Variants in GRAMD1C observed in about 807,000 individuals in gnomAD.
GRAMD1C encodes the protein protein Aster-C.
GRAMD1C carries 89 observed loss-of-function variants against 97.8 expected under a neutral mutation model. That is an observed-to-expected ratio of 0.91 (90% CI 0.77 to 1.09). The LOEUF (loss-of-function observed/expected upper bound fraction) is 1.09. GRAMD1C is among the 50% of genes least tolerant of loss of function. The pLI, the probability that GRAMD1C is intolerant of heterozygous loss-of-function variation, is 0.00. For synonymous variants in GRAMD1C, 256 were observed against 267.0 expected, an observed-to-expected ratio of 0.96 and a Z score of 0.40; for missense variants, 740 against 766.4, an observed-to-expected ratio of 0.97 and a Z score of 0.41.
intron 2 of GRAMD1C, among the ~76,000 whole-genome samples, chr3:113,860,420 T>C (rs1381308792): frequency 6.6e-6 from 1 of 152,132 alleles, no homozygotes; most frequent in Admixed American, 6.6e-5. Context: ...TATTCATGGA[T>C]TGGGAAGCTT....
At chr3:113,934,343 C>T (rs982469177) in intron 12 of GRAMD1C, 89 bp from the exon 13 acceptor site, 1 of 673,640 alleles carries the variant, frequency 1.5e-6, no homozygotes, top group Non-Finnish European at 2.6e-6. Flanking sequence ...TTTGACTTTC[C>T]ACTGAATACA....
Position 113,876,186 on chromosome 3 carries a change from A to G in GRAMD1C, c.385A>G (p.Ile129Val). 1.3e-6 allele frequency: 2 copies of G among 1,583,018 alleles called. No individual in the cohort carries two copies. Among genetic ancestry groups the G allele is most frequent in the Non-Finnish European group, 1.7e-6 (2 of 1,153,160 alleles). ...TTAGATTTCTATTGCTTTAAAGAAT[A>G]TAACCTTCATGACCAAGGAAAAAAC... ...ETTISIALKN[I>V]TFMTKEKTAR... The change falls in exon 5 of 18, where the codon ATA (isoleucine) becomes GTA (valine). Residue 129 changes from isoleucine (I) to valine (V), a missense_variant. Ile to Val is a conservative substitution (Grantham distance 29). Transcript: ENST00000358160.
chr3:113,882,649 C>A, intron 5 of GRAMD1C, 103 bp from the exon 6 acceptor site: 1 of 672,100 alleles, frequency 1.5e-6, no homozygotes, highest in Non-Finnish European at 2.8e-6. Flanking sequence ...TGTTGACCTA[C>A]TAGTTTGTTT....
chr3:113,883,852 GTAAAACTTGGGA>G (rs1935353304), intron 6 of GRAMD1C, among the ~76,000 whole-genome samples: 2 of 152,126 alleles, frequency 1.3e-5, no homozygotes, highest in African/African-American at 4.8e-5. Context: ...CAATTCAACA[GTAAAACTTGGGA>G]CTGCGTGTGG....
At position 113,869,088 on chromosome 3, in the gene GRAMD1C, C is replaced by A. The variant is rs535515549; in HGVS notation, c.175-419C>A. ...CAGTTTTCATGATCTGTTCCCACCC[C>A]CAAAGAACTACCACAAAGACTTAAC... On this transcript the variant is annotated intron_variant, in intron 2 of 17. Coordinates refer to ENST00000358160, the MANE Select transcript of GRAMD1C (RefSeq NM_017577.5). Among the ~76,000 whole-genome samples the A allele has an allele frequency of 5.9e-5, 9 of 152,186 alleles. No individual in the cohort carries two copies. The East Asian group carries it at 1.7e-3, about 29-fold the overall frequency.
At position 113,867,631 on chromosome 3, in the gene GRAMD1C, G is replaced by C. The variant is rs140698453; in HGVS notation, c.175-1876G>C. 9.3e-3 allele frequency among the ~76,000 whole-genome samples: 1,414 copies of C among 152,140 alleles called. 14 individuals are homozygous for C. The highest frequency in any genetic ancestry group is 0.058 in the Middle Eastern group (17 of 294). ...TTAGTATTTCTTGTAAAGCAGGTCT[G>C]TTCTCTCCATTGTTAATGATGAAGA... On this transcript the variant is annotated intron_variant, in intron 2 of 17. Coordinates refer to ENST00000358160, the MANE Select transcript of GRAMD1C (RefSeq NM_017577.5).
chr3:113,907,515 T>A (rs1936412909), intron 8 of GRAMD1C, among the ~76,000 whole-genome samples: 1 of 152,212 alleles, frequency 6.6e-6, no homozygotes, highest in Non-Finnish European at 1.5e-5. Flanking sequence ...TTAGCCCTTT[T>A]TTTTTCTGTT....
Position 113,930,778 on chromosome 3 carries a change from T to A in GRAMD1C, c.1155T>A (p.Thr385=), listed in dbSNP as rs1377350141. ...ATCAGCTGAGAACGATGACCTACAC[T>A]ATAGTCCTTAATAGTCCACTTACTG... ...GGDQLRTMTY[T]IVLNSPLTGK... is the part of the protein sequence containing the mutation. Residue 385 remains threonine, a synonymous_variant, in exon 11 of 18, where the codon ACT becomes ACA. Coordinates refer to ENST00000358160, the MANE Select transcript of GRAMD1C (RefSeq NM_017577.5). The A allele has an allele frequency of 1.2e-6, 2 of 1,612,454 alleles. No homozygotes were observed. The highest frequency in any genetic ancestry group is 1.3e-5 in the African/African-American group (1 of 74,898).
intron 3 of GRAMD1C, among the ~76,000 whole-genome samples, chr3:113,874,331 T>A (rs1934942878): frequency 6.6e-6 from 1 of 152,092 alleles, no homozygotes; most frequent in South Asian, 2.1e-4. Context: ...TTGATTTTGC[T>A]GGACTTTAGT....
Position 113,939,893 on chromosome 3 carries a change from T to G in GRAMD1C, c.1699T>G (p.Leu567Val). 1.9e-6 allele frequency: 3 copies of G among 1,567,510 alleles called. No individual in the cohort carries two copies. Among genetic ancestry groups the G allele is most frequent in the Non-Finnish European group, 2.6e-6 (3 of 1,137,434 alleles). The change falls in exon 16 of 18, where the codon TTA becomes GTA. Residue 567 changes from leucine to valine, a missense_variant. Transcript: ENST00000358160. ...LIVVMSIFVL[L>V]LVLLNVTLFL... ...ATAATTTGCTCTGCCTAGTGTGTTG[T>G]TATTAGTTTTGTTGAATGTGACACT...
At chr3:113,882,699 A>G in intron 5 of GRAMD1C, 53 bp from the exon 6 acceptor site, 1 of 1,034,648 alleles carries the variant, frequency 9.7e-7, no homozygotes. Flanking sequence ...ATGACAGATA[A>G]TCTGCTTTTA....
chr3:113,883,868 C>T (rs923239154), intron 6 of GRAMD1C, among the ~76,000 whole-genome samples: 2 of 152,018 alleles, frequency 1.3e-5, no homozygotes, highest in African/African-American at 2.4e-5. Flanking sequence ...CTTGGGACTG[C>T]GTGTGGTGGC....
At chr3:113,884,867 A>G (rs1157785060) in intron 6 of GRAMD1C, among the ~76,000 whole-genome samples, 1 of 148,814 alleles carries the variant, frequency 6.7e-6, no homozygotes, top group African/African-American at 2.5e-5. Context: ...GAAAAAAGAG[A>G]GAGGCGCAGC....
chr3:113,836,235 G>T (rs1484671051), upstream of GRAMD1C, among the ~76,000 whole-genome samples: 1 of 152,206 alleles, frequency 6.6e-6, no homozygotes, highest in Non-Finnish European at 1.5e-5. Context: ...CTGCACTCCA[G>T]TCTGGGGGAC....
chr3:113,863,556 T>C (rs1934477316), intron 2 of GRAMD1C, among the ~76,000 whole-genome samples: 1 of 152,214 alleles, frequency 6.6e-6, no homozygotes, highest in Admixed American at 6.5e-5. Context: ...GTGGTGATGA[T>C]TGCACAGTTT....
chr3:113,939,216 A>G (rs898537519), intron 15 of GRAMD1C: 1 of 152,120 alleles, frequency 6.6e-6, no homozygotes, highest in Non-Finnish European at 1.5e-5. Flanking sequence ...TGCCACCTGT[A>G]TATTTGCATA....
At chr3:113,871,759 A>AAC (rs1408484529) in intron 3 of GRAMD1C, among the ~76,000 whole-genome samples, 2 of 150,008 alleles carry the variant, frequency 1.3e-5, no homozygotes, top group African/African-American at 4.9e-5. Context: ...AAAAAAAAAA[A>AAC]AAAAAAACAA....
intron 11 of GRAMD1C, among the ~76,000 whole-genome samples, chr3:113,932,375 C>CT (rs1466765588): frequency 6.6e-6 from 1 of 152,150 alleles, no homozygotes; most frequent in East Asian, 1.9e-4. Flanking sequence ...CCCCAACCCC[C>CT]TTACAGGATA....
chr3:113,844,361 A>G, intron 1 of GRAMD1C, 142 bp from the exon 2 acceptor site: 2 of 507,276 alleles, frequency 3.9e-6, no homozygotes, highest in Non-Finnish European at 7.0e-6. Flanking sequence ...CTATTGAAGC[A>G]AAAACGTATT....
Sources: gnomAD v4.1 joint callset for allele counts (sites outside exome capture counted in the v4.1 genomes callset) on GRCh38, gnomAD v4.1.1 for gene constraint, MANE v1.5 for transcripts, NCBI Gene and HGNC (gene_info 2026-07-23, HGNC 2026-07-21) for gene names.